Variants in FMN2 observed in about 807,000 individuals in gnomAD.
FMN2 encodes formin 2, also known as formin-2.
Under a neutral mutation model 142.3 loss-of-function variants are expected in FMN2, and 51 were observed. That is an observed-to-expected ratio of 0.36 (90% CI 0.29 to 0.45). FMN2 has a LOEUF of 0.45. FMN2 is among the 20% of genes least tolerant of loss of function. The pLI, the probability that FMN2 is intolerant of heterozygous loss-of-function variation, is 1.00. For synonymous variants in FMN2, 882 were observed against 869.8 expected (o/e 1.01, Z -0.25); for missense variants, 1,936 against 2,122.8 (o/e 0.91, Z 1.73).
intron 13 of FMN2, among the ~76,000 whole-genome samples, chr1:240,339,622 G>A (rs766895844): frequency 1.4e-4 from 21 of 152,102 alleles, no homozygotes; most frequent in Non-Finnish European, 2.4e-4. Flanking sequence ...TTTAGCATAG[G>A]AACTTTAGAC....
rs555856346 is a variant in FMN2, at chr1:240,121,798, A to G, written c.1616-1381A>G. ...AAGTTCAGACCTATGCTAGAGTTAT[A>G]TTTCTGAGGAGCATCTGAGAGAAAT... On this transcript the variant is annotated intron_variant, in intron 1 of 17. Transcript: ENST00000319653. 3.6e-4 allele frequency among the ~76,000 whole-genome samples: 49 copies of G among 137,028 alleles called. No individual in the cohort carries two copies. The South Asian group carries it at 0.012, about 32-fold the overall frequency. 89.9% of individuals were successfully genotyped at this position (137,028 alleles called of 152,430 possible). A position where few individuals can be genotyped will look rare whatever the true frequency, so the allele number is the denominator to read the frequency against.
intron 8 of FMN2, among the ~76,000 whole-genome samples, chr1:240,323,481 C>T (rs945982042): frequency 3.9e-5 from 6 of 152,108 alleles, no homozygotes; most frequent in African/African-American, 1.5e-4. Context: ...CAGGCGTGAG[C>T]CATGCCCCTG....
At chr1:240,348,315 G>T (rs561133488) in intron 13 of FMN2, among the ~76,000 whole-genome samples, 1 of 150,776 alleles carries the variant, frequency 6.6e-6, no homozygotes, top group African/African-American at 2.4e-5. Context: ...TCTGCCTCCC[G>T]GGTTCAAGTG....
chr1:240,293,070 T>G (rs1558416427), intron 7 of FMN2, among the ~76,000 whole-genome samples: 1 of 152,124 alleles, frequency 6.6e-6, no homozygotes, highest in Non-Finnish European at 1.5e-5. Flanking sequence ...TAACATGTAT[T>G]AAGATATTCA....
In FMN2 at chr1:240,306,587, T is replaced by C. The variant is rs116524517; in HGVS notation, c.4215+11704T>C. The stretch of plus-strand genomic sequence containing the variant: ...TCTGCAAAGAACATGACTTCATTCT[T>C]TTCATGGTGTTGTAGCATTCCGTGG... On this transcript the variant is annotated intron_variant, in intron 8 of 17. Transcript: ENST00000319653. Among the ~76,000 whole-genome samples, 1,180 of 152,312 alleles carry C rather than the reference T, an allele frequency of 7.7e-3. 17 individuals are homozygous for C. Among genetic ancestry groups the C allele is most frequent in the African/African-American group, 0.026 (1,095 of 41,572 alleles).
At chr1:240,396,001 A>C (rs1283414968) in intron 15 of FMN2, among the ~76,000 whole-genome samples, 1 of 152,178 alleles carries the variant, frequency 6.6e-6, no homozygotes, top group Non-Finnish European at 1.5e-5. Context: ...TTGTCTTATT[A>C]GCCACCCCAG....
intron 8 of FMN2, among the ~76,000 whole-genome samples, chr1:240,298,297 G>A (rs1670064481): frequency 6.6e-6 from 1 of 152,180 alleles, no homozygotes; most frequent in Non-Finnish European, 1.5e-5. Context: ...AACAATAACA[G>A]GTCATTGTGC....
intron 16 of FMN2, among the ~76,000 whole-genome samples, chr1:240,459,774 C>A (rs1014074079): frequency 7.3e-6 from 1 of 136,868 alleles, no homozygotes; most frequent in East Asian, 2.3e-4. Flanking sequence ...AGGAAGTATG[C>A]TAACTGTCCT....
chr1:240,361,826 T>A (rs147373159), intron 14 of FMN2, among the ~76,000 whole-genome samples: 104 of 152,224 alleles, frequency 6.8e-4, no homozygotes, highest in Middle Eastern at 3.4e-3. Flanking sequence ...TTAAGAAAAA[T>A]TAGATCCAGG....
At chr1:240,203,291 C>T (rs1666198927) in intron 4 of FMN2, among the ~76,000 whole-genome samples, 1 of 152,156 alleles carries the variant, frequency 6.6e-6, no homozygotes. Context: ...GCATTTGACC[C>T]AGCAACCCCA....
At position 240,231,354 on chromosome 1, in the gene FMN2, A is replaced by G. The variant is rs79221233; in HGVS notation, c.4065+20119A>G. Among the ~76,000 whole-genome samples, 395 of 131,612 alleles carry G rather than the reference A, an allele frequency of 3.0e-3. 83 individuals carry two copies. Among genetic ancestry groups the G allele is most frequent in the Middle Eastern group, 0.017 (4 of 240 alleles). 86.3% of individuals were successfully genotyped at this position (131,612 alleles called of 152,430 possible). A position where few individuals can be genotyped will look rare whatever the true frequency, so the allele number is the denominator to read the frequency against. ...ACCAATGTGAACAAAGCTTGACTGT[A>G]TTAAAAAATCTGATCATTATAAAAT... is the stretch of plus-strand genomic sequence containing the variant. On this transcript the variant is annotated intron_variant, in intron 6 of 17. Coordinates refer to ENST00000319653, the MANE Select transcript of FMN2 (RefSeq NM_020066.5).
chr1:240,298,654 G>A (rs888825017), intron 8 of FMN2, among the ~76,000 whole-genome samples: 3 of 152,130 alleles, frequency 2.0e-5, no homozygotes, highest in African/African-American at 4.8e-5. Context: ...TGTGAACTGC[G>A]TATGCACGGG....
chr1:240,163,765 T>G (rs1247117201), intron 2 of FMN2, among the ~76,000 whole-genome samples: 5 of 152,074 alleles, frequency 3.3e-5, no homozygotes, highest in Admixed American at 6.6e-5. Context: ...TGTTCTATAG[T>G]CCTTTTCCTT....
intron 16 of FMN2, among the ~76,000 whole-genome samples, chr1:240,459,717 T>TTAAAAAAAAAAAAAAA (rs1471697427): frequency 1.5e-5 from 1 of 67,128 alleles, no homozygotes; most frequent in African/African-American, 5.1e-5. Context: ...ACTCTGTCTC[T>TTAAAAAAAAAAAAAAA]AAAAAAAAAA....
intron 15 of FMN2, among the ~76,000 whole-genome samples, chr1:240,429,880 TTTTG>T (rs1558486593): frequency 4.9e-5 from 7 of 144,286 alleles, no homozygotes; most frequent in African/African-American, 2.1e-4. Context: ...TTTTGTTTTT[TTTTG>T]TTTTTTTTTT....
intron 15 of FMN2, among the ~76,000 whole-genome samples, chr1:240,397,853 T>A: frequency 6.7e-6 from 1 of 150,040 alleles, no homozygotes; most frequent in Non-Finnish European, 1.5e-5. Context: ...CCATCTAGAC[T>A]GGTGTTTGAC....
intron 15 of FMN2, among the ~76,000 whole-genome samples, chr1:240,407,418 C>T (rs901137793): frequency 6.6e-6 from 1 of 152,236 alleles, no homozygotes; most frequent in East Asian, 1.9e-4. Context: ...GGATTACAGG[C>T]GTGAGCCACC....
intron 7 of FMN2, among the ~76,000 whole-genome samples, chr1:240,262,486 G>A (rs1668663730): frequency 1.3e-5 from 2 of 152,266 alleles, no homozygotes; most frequent in Non-Finnish European, 2.9e-5. Context: ...GTATCCTACA[G>A]CTTCATAGTG....
chr1:240,276,014 A>G (rs1037003214), intron 7 of FMN2, among the ~76,000 whole-genome samples: 13 of 152,198 alleles, frequency 8.5e-5, no homozygotes, highest in African/African-American at 3.1e-4. Context: ...AATCCAGCGT[A>G]TAAGAGGGAT....
Sources: gnomAD v4.1 joint callset for allele counts (sites outside exome capture counted in the v4.1 genomes callset) on GRCh38, gnomAD v4.1.1 for gene constraint, MANE v1.5 for transcripts, NCBI Gene and HGNC (gene_info 2026-07-23, HGNC 2026-07-21) for gene names.